RBFOX1: variants seen among roughly 807,000 people sequenced by gnomAD.
The protein encoded by RBFOX1 is RNA binding protein fox-1 homolog 1.
Under a neutral mutation model 57.7 loss-of-function variants are expected in RBFOX1, and 8 were observed. The ratio of observed to expected loss-of-function variants is 0.14; its 90% confidence interval spans 0.08 to 0.25. The LOEUF (loss-of-function observed/expected upper bound fraction) is 0.25. RBFOX1 is among the 10% of genes least tolerant of loss of function. The pLI is 1.00. For missense variants in RBFOX1, 611 were observed against 548.5 expected (o/e 1.11, Z -1.14); for synonymous variants, 326 against 222.4 (o/e 1.47, Z -4.15).
chr16:5,844,532 A>G (rs1354627789), intron 3 of RBFOX1, among the ~76,000 whole-genome samples: 1 of 152,166 alleles, frequency 6.6e-6, no homozygotes, highest in Non-Finnish European at 1.5e-5. Context: ...ACATGTGTGT[A>G]AGTCTAGTGG....
chr16:7,004,475 C>A (rs1196770388), intron 3 of RBFOX1, among the ~76,000 whole-genome samples: 1 of 152,140 alleles, frequency 6.6e-6, no homozygotes, highest in Non-Finnish European at 1.5e-5. Context: ...GTTTGGAGCC[C>A]AGCCCAGGTT....
At chr16:6,494,927 A>G (rs976023277) in intron 2 of RBFOX1, among the ~76,000 whole-genome samples, 1 of 152,192 alleles carries the variant, frequency 6.6e-6, no homozygotes, top group Admixed American at 6.5e-5. Flanking sequence ...TATGTATGCT[A>G]ACTCATTTGT....
At chr16:6,028,604 C>T (rs1596495004) in intron 1 of RBFOX1, among the ~76,000 whole-genome samples, 1 of 150,816 alleles carries the variant, frequency 6.6e-6, no homozygotes, top group East Asian at 2.0e-4. Flanking sequence ...TTGCTTGGCT[C>T]TGGGAGTTTA....
At chr16:5,819,457 T>G (rs2055766203) in intron 3 of RBFOX1, among the ~76,000 whole-genome samples, 1 of 152,164 alleles carries the variant, frequency 6.6e-6, no homozygotes, top group Non-Finnish European at 1.5e-5. Context: ...TGCTCTAGAG[T>G]GGTCTTTCAA....
chr16:6,268,463 A>C (rs1056371452), intron 1 of RBFOX1, among the ~76,000 whole-genome samples: 4 of 152,194 alleles, frequency 2.6e-5, no homozygotes, highest in Non-Finnish European at 5.9e-5. Context: ...ATGTGCTTAA[A>C]AATGCAGAGG....
At chr16:6,996,898 G>C (rs2153624219) in intron 3 of RBFOX1, among the ~76,000 whole-genome samples, 1 of 152,258 alleles carries the variant, frequency 6.6e-6, no homozygotes, top group African/African-American at 2.4e-5. Flanking sequence ...GTTAGAAGCT[G>C]ATGGAACTGA....
At chr16:7,523,753 TACAA>T (rs1285040612) in intron 5 of RBFOX1, among the ~76,000 whole-genome samples, 3 of 152,160 alleles carry the variant, frequency 2.0e-5, no homozygotes, top group African/African-American at 7.2e-5. Flanking sequence ...CGTTTTTTGT[TACAA>T]ACAATTACAT....
intron 3 of RBFOX1, among the ~76,000 whole-genome samples, chr16:5,638,505 C>T (rs1342097081): frequency 6.6e-6 from 1 of 152,182 alleles, no homozygotes; most frequent in Non-Finnish European, 1.5e-5. Context: ...GCTAGGGATA[C>T]TCACCTGCCA....
At chr16:6,819,726 AAAAAATAAC>A (rs1415479207) in intron 3 of RBFOX1, among the ~76,000 whole-genome samples, 11,707 of 128,494 alleles carry the variant, frequency 0.091, 1,356 homozygotes, top group Non-Finnish European at 0.13. Context: ...AAAAAAAAAA[AAAAAATAAC>A]AACACCAAAA....
At chr16:6,449,572 A>T (rs1224140690) in intron 2 of RBFOX1, among the ~76,000 whole-genome samples, 1 of 152,182 alleles carries the variant, frequency 6.6e-6, no homozygotes, top group Admixed American at 6.5e-5. Flanking sequence ...CCCCTTTTCC[A>T]CTGCACACAG....
intron 5 of RBFOX1, among the ~76,000 whole-genome samples, chr16:7,521,522 C>G (rs897046443): frequency 6.6e-6 from 1 of 152,142 alleles, no homozygotes; most frequent in Non-Finnish European, 1.5e-5. Flanking sequence ...CTTTAGAGAT[C>G]AACACAATTG....
intron 1 of RBFOX1, among the ~76,000 whole-genome samples, chr16:5,259,495 G>A (rs1398538422): frequency 6.6e-6 from 1 of 152,146 alleles, no homozygotes; most frequent in Non-Finnish European, 1.5e-5. Flanking sequence ...ATTCAGGTCT[G>A]TTCTTCCCCT....
chr16:5,246,636 T>A (rs2062306845), intron 1 of RBFOX1, among the ~76,000 whole-genome samples: 1 of 152,138 alleles, frequency 6.6e-6, no homozygotes, highest in Non-Finnish European at 1.5e-5. Context: ...ATCATTCTAC[T>A]CTGCTTCTAT....
At chr16:6,754,730 T>G (rs1329753501) in intron 3 of RBFOX1, among the ~76,000 whole-genome samples, 3 of 151,918 alleles carry the variant, frequency 2.0e-5, no homozygotes, top group Admixed American at 6.6e-5. Context: ...ATAGTTTAAG[T>G]TTTAGGGTAC....
intron 3 of RBFOX1, among the ~76,000 whole-genome samples, chr16:6,945,483 T>G (rs1288072106): frequency 6.6e-6 from 1 of 150,684 alleles, no homozygotes; most frequent in African/African-American, 2.5e-5. Context: ...TTTTTTTTTG[T>G]AAAATGGGAA....
At chr16:7,672,256 T>A (rs1568387947) in intron 13 of RBFOX1, among the ~76,000 whole-genome samples, 1 of 152,216 alleles carries the variant, frequency 6.6e-6, no homozygotes, top group Non-Finnish European at 1.5e-5. Flanking sequence ...GTGGCTGGCC[T>A]AGAGTCTCCA....
At chr16:7,102,948 A>G (rs2062940562) in intron 4 of RBFOX1, among the ~76,000 whole-genome samples, 1 of 152,090 alleles carries the variant, frequency 6.6e-6, no homozygotes, top group African/African-American at 2.4e-5. Context: ...AGTATAAATG[A>G]TAAAATTGTG....
At chr16:6,974,043 C>G (rs1055241906) in intron 3 of RBFOX1, among the ~76,000 whole-genome samples, 5 of 152,114 alleles carry the variant, frequency 3.3e-5, no homozygotes, top group African/African-American at 1.2e-4. Flanking sequence ...TTTTCTGTTC[C>G]TGTGTTAGTT....
At chr16:5,772,700 A>G (rs762072114) in intron 3 of RBFOX1, among the ~76,000 whole-genome samples, 1 of 152,196 alleles carries the variant, frequency 6.6e-6, no homozygotes, top group Non-Finnish European at 1.5e-5. Flanking sequence ...TGGACCAAGG[A>G]CAATTTGCTG....
Sources: gnomAD v4.1 joint callset for allele counts (sites outside exome capture counted in the v4.1 genomes callset) on GRCh38, gnomAD v4.1.1 for gene constraint, MANE v1.5 for transcripts, NCBI Gene and HGNC (gene_info 2026-07-23, HGNC 2026-07-21) for gene names.